RPS6KA5: variants seen among roughly 807,000 people sequenced by gnomAD.
The protein encoded by RPS6KA5 is ribosomal protein S6 kinase A5.
In RPS6KA5, 27 loss-of-function variants were observed where a neutral mutation model predicts 85.5. That is an observed-to-expected ratio of 0.32 (90% confidence interval 0.23 to 0.44). The LOEUF is 0.44. RPS6KA5 is among the 20% of genes least tolerant of loss of function. RPS6KA5 has a pLI of 1.00. For missense variants in RPS6KA5, 811 were observed against 980.9 expected (o/e 0.83, Z 2.31); for synonymous variants, 334 against 348.2 (o/e 0.96, Z 0.46).
chr14:90,990,569 A>G (rs2040259973), intron 2 of RPS6KA5, among the ~76,000 whole-genome samples: 1 of 152,252 alleles, frequency 6.6e-6, no homozygotes, highest in African/African-American at 2.4e-5. Flanking sequence ...AAAAAGACAT[A>G]TGTACTCATA....
intron 2 of RPS6KA5, among the ~76,000 whole-genome samples, chr14:90,997,338 A>G (rs2040571034): frequency 6.6e-6 from 1 of 152,258 alleles, no homozygotes; most frequent in Non-Finnish European, 1.5e-5. Flanking sequence ...ATATGTTCAT[A>G]CAAAAACTTG....
At chr14:90,953,083 T>G (rs1381095464) in intron 3 of RPS6KA5, among the ~76,000 whole-genome samples, 2 of 152,106 alleles carry the variant, frequency 1.3e-5, no homozygotes, top group African/African-American at 4.8e-5. Flanking sequence ...CACATTTATA[T>G]AAAAAGAAAG....
Position 90,947,530 on chromosome 14 carries a change from G to T in RPS6KA5, c.415C>A (p.Leu139Ile), listed in dbSNP as rs2037936728. The change falls in exon 4 of 17, where the codon CTT (leucine) becomes ATT (isoleucine). Residue 139 changes from leucine (L) to isoleucine (I), a missense_variant. Transcript: ENST00000614987. ...LILDYINGGELFTHLSQRERF... is the reference protein window; with the variant it reads ...LILDYINGGEIFTHLSQRERF... ...TCTCTTTGAGAAAGATGAGTAAAAA[G>T]TTCACCACCATTTATATAATCTAAA... 6.3e-7 allele frequency: 1 copy of T among 1,595,836 alleles called. No individual in the cohort carries two copies. The highest frequency in any genetic ancestry group is 1.7e-5 in the Admixed American group (1 of 59,844).
Position 90,872,099 on chromosome 14 carries a change from A to G in RPS6KA5, c.2384T>C (p.Phe795Ser), listed in dbSNP as rs749051475. The change falls in exon 17 of 17, where the codon TTC (phenylalanine) becomes TCC (serine). Residue 795 changes from phenylalanine (F) to serine (S), a missense_variant. By Grantham distance (155) the Phe-to-Ser change is radical. Coordinates refer to ENST00000614987, the MANE Select transcript of RPS6KA5 (RefSeq NM_004755.4). ...PADSNNPETLFQFSDSVA is the reference protein window; with the variant it reads ...PADSNNPETLSQFSDSVA ...CTAAGCTACTGAGTCCGAGAACTGG[A>G]AGAGGGTCTCCGGGTTATTGCTGTC... 8 of 1,613,410 alleles carry G rather than the reference A, an allele frequency of 5.0e-6. No individual in the cohort carries two copies. The Admixed American group carries it at 1.0e-4, about 20-fold the overall frequency.
At chr14:90,960,108 A>G (rs1368341494) in intron 3 of RPS6KA5, among the ~76,000 whole-genome samples, 2 of 152,140 alleles carry the variant, frequency 1.3e-5, no homozygotes, top group African/African-American at 4.8e-5. Context: ...GATTCTTTGT[A>G]TTCACATTTG....
intron 1 of RPS6KA5, among the ~76,000 whole-genome samples, chr14:91,013,919 C>G (rs1486224519): frequency 6.6e-6 from 1 of 152,086 alleles, no homozygotes; most frequent in Non-Finnish European, 1.5e-5. Flanking sequence ...TTCACTAATT[C>G]TACTCAGCAC....
chr14:90,941,463 T>C (rs565520301), intron 5 of RPS6KA5, among the ~76,000 whole-genome samples: 1 of 152,336 alleles, frequency 6.6e-6, no homozygotes, highest in Admixed American at 6.5e-5. Flanking sequence ...GTTCTGTGTG[T>C]CCATTTTCAC....
chr14:90,958,072 C>T (rs1233903598), intron 3 of RPS6KA5, among the ~76,000 whole-genome samples: 5 of 152,124 alleles, frequency 3.3e-5, no homozygotes, highest in Non-Finnish European at 1.5e-5. Context: ...CCCAGGAGGT[C>T]AAGGCTGCAG....
At position 90,870,255 on chromosome 14, in the gene RPS6KA5, G is replaced by A. The variant is rs2033014009; in HGVS notation, c.*1819C>T. On this transcript the variant is annotated 3_prime_UTR_variant, in exon 17 of 17. Coordinates refer to ENST00000614987, the MANE Select transcript of RPS6KA5 (RefSeq NM_004755.4). Reference sequence around the variant, plus strand: ...ATTTTCTTGATTACTAGAGATCTGTGCCTGATGGAATCACATTTTGTGAAT... The same window carrying A: ...ATTTTCTTGATTACTAGAGATCTGTACCTGATGGAATCACATTTTGTGAAT... 6.6e-6 allele frequency: 1 copy of A among 152,108 alleles called. No individual in the cohort carries two copies. Among genetic ancestry groups the A allele is most frequent in the Non-Finnish European group, 1.5e-5 (1 of 68,018 alleles). 9.4% of individuals were successfully genotyped at this position (152,108 alleles called of 1,614,324 possible).
At chr14:90,938,145 CA>C (rs1457612380) in intron 5 of RPS6KA5, among the ~76,000 whole-genome samples, 96 of 152,326 alleles carry the variant, frequency 6.3e-4, no homozygotes, top group African/African-American at 2.1e-3. Context: ...CTGGCCAAAA[CA>C]AAGGGACTAC....
At chr14:91,015,019 T>C (rs1216515618) in intron 1 of RPS6KA5, among the ~76,000 whole-genome samples, 1 of 152,224 alleles carries the variant, frequency 6.6e-6, no homozygotes, top group Non-Finnish European at 1.5e-5. Flanking sequence ...ATTAAAAGAA[T>C]GGTTAATTCA....
At chr14:90,988,681 C>T (rs1173669223) in intron 2 of RPS6KA5, among the ~76,000 whole-genome samples, 2 of 152,052 alleles carry the variant, frequency 1.3e-5, no homozygotes, top group African/African-American at 2.4e-5. Context: ...GGCATGGTGG[C>T]GGGCGTCTGT....
chr14:90,959,922 C>T (rs1314846097), intron 3 of RPS6KA5, among the ~76,000 whole-genome samples: 1 of 152,068 alleles, frequency 6.6e-6, no homozygotes, highest in Non-Finnish European at 1.5e-5. Context: ...TACAAACAAA[C>T]CAGCAAGTAC....
intron 13 of RPS6KA5, among the ~76,000 whole-genome samples, chr14:90,890,987 C>G (rs1433119250): frequency 1.3e-5 from 2 of 152,014 alleles, no homozygotes; most frequent in Non-Finnish European, 2.9e-5. Context: ...CTACCTCCCC[C>G]CATCTACTCC....
At chr14:91,023,083 A>AAAG (rs2041850886) in intron 1 of RPS6KA5, among the ~76,000 whole-genome samples, 2 of 14,366 alleles carry the variant, frequency 1.4e-4, no homozygotes. Flanking sequence ...AACTCTATCT[A>AAAG]AAAAAAAAAA....
intron 2 of RPS6KA5, among the ~76,000 whole-genome samples, chr14:90,996,888 T>C (rs974180144): frequency 1.3e-5 from 2 of 152,210 alleles, no homozygotes; most frequent in Admixed American, 6.5e-5. Context: ...GAAACTGCTA[T>C]GCATAAGTTA....
chr14:91,046,972 A>T (rs2042898935), intron 1 of RPS6KA5, among the ~76,000 whole-genome samples: 1 of 151,058 alleles, frequency 6.6e-6, no homozygotes, highest in African/African-American at 2.4e-5. Context: ...TGAGCTCAGG[A>T]GGTCATTGAG....
At chr14:91,045,285 G>C (rs552663075) in intron 1 of RPS6KA5, among the ~76,000 whole-genome samples, 1 of 146,698 alleles carries the variant, frequency 6.8e-6, no homozygotes, top group South Asian at 2.2e-4. Context: ...TTTTGAGATG[G>C]AGTCTTGCTC....
chr14:90,855,056 T>A lies in RPS6KA5; in HGVS notation c.*17018A>T, dbSNP rs539365546. ...TCTCTTTGCTTTGCCAGGAACAAAG[T>A]TTCAAGTGATATCTCCATCAGCGAA... On this transcript the variant is annotated 3_prime_UTR_variant, in exon 17 of 17. Transcript: ENST00000614987. The A allele has an allele frequency of 1.2e-4, 19 of 152,326 alleles. No individual in the cohort carries two copies. The highest frequency in any genetic ancestry group is 5.9e-4 in the Admixed American group (9 of 15,304). 9.4% of individuals were successfully genotyped at this position (152,326 alleles called of 1,614,324 possible). A position where few individuals can be genotyped will look rare whatever the true frequency, so the allele number is the denominator to read the frequency against.
Sources: allele counts gnomAD v4.1 joint callset (sites outside exome capture counted in the v4.1 genomes callset), GRCh38; gene constraint gnomAD v4.1.1; transcripts MANE v1.5; gene names NCBI Gene and HGNC (gene_info 2026-07-23, HGNC 2026-07-21).